PBX3: variants seen among roughly 807,000 people sequenced by gnomAD.
PBX3 encodes the protein pre-B-cell leukemia transcription factor 3.
In PBX3, 14 loss-of-function variants were observed where a neutral mutation model predicts 48.5. The observed-to-expected ratio is 0.29, with a 90% CI of 0.19 to 0.45. The LOEUF (loss-of-function observed/expected upper bound fraction) is 0.45. PBX3 is among the 20% of genes least tolerant of loss of function. The pLI is 1.00. For synonymous variants in PBX3, 210 were observed against 200.3 expected, an observed-to-expected ratio of 1.05 and a Z score of -0.41; for missense variants, 386 against 546.7, an observed-to-expected ratio of 0.71 and a Z score of 2.93.
chr9:125,952,640 CA>C, intron 5 of PBX3, among the ~76,000 whole-genome samples: 1 of 152,266 alleles, frequency 6.6e-6, no homozygotes, highest in Non-Finnish European at 1.5e-5. Context: ...TCAAACCTAT[CA>C]ACCATGCCCT....
At chr9:125,869,232 A>C (rs1840059306) in intron 2 of PBX3, among the ~76,000 whole-genome samples, 1 of 152,224 alleles carries the variant, frequency 6.6e-6, no homozygotes, top group Non-Finnish European at 1.5e-5. Flanking sequence ...CCTAGCATAC[A>C]GTACAACAAA....
At chr9:125,755,063 C>T in intron 2 of PBX3, among the ~76,000 whole-genome samples, 1 of 152,010 alleles carries the variant, frequency 6.6e-6, no homozygotes, top group East Asian at 1.9e-4. Context: ...ATTTGTGAGA[C>T]TCAACATGTT....
intron 1 of PBX3, chr9:125,748,319 C>T (rs951960278): frequency 9.1e-6 from 11 of 1,203,290 alleles, no homozygotes; most frequent in Non-Finnish European, 1.1e-5. Context: ...GTGGCCGAGG[C>T]TGCTGCCTGC....
At chr9:125,780,962 T>G (rs28750084) in intron 2 of PBX3, among the ~76,000 whole-genome samples, 282 of 47,136 alleles carry the variant, frequency 6.0e-3, no homozygotes, top group Middle Eastern at 0.029. Flanking sequence ...CAGACGGGGT[T>G]GCGGCCGGGC....
At chr9:125,814,928 C>G (rs1838413705) in intron 2 of PBX3, among the ~76,000 whole-genome samples, 1 of 152,182 alleles carries the variant, frequency 6.6e-6, no homozygotes. Context: ...TTCCCAATTG[C>G]CATTCTTCAG....
intron 2 of PBX3, among the ~76,000 whole-genome samples, chr9:125,796,906 A>G (rs923835045): frequency 1.3e-5 from 2 of 152,072 alleles, no homozygotes; most frequent in Non-Finnish European, 2.9e-5. Flanking sequence ...ATGCCCTCTT[A>G]TATTTAGATT....
chr9:125,911,233 A>G (rs1841197102), intron 2 of PBX3, among the ~76,000 whole-genome samples: 1 of 152,032 alleles, frequency 6.6e-6, no homozygotes, highest in Non-Finnish European at 1.5e-5. Flanking sequence ...CCTGCCTCCT[A>G]TTTTGACTGC....
chr9:125,897,186 C>T (rs1232887207), intron 2 of PBX3, among the ~76,000 whole-genome samples: 12 of 91,936 alleles, frequency 1.3e-4, no homozygotes, highest in South Asian at 1.1e-3. Context: ...GACATTCATT[C>T]GCATTAGAAT....
chr9:125,909,047 T>A (rs1223108467), intron 2 of PBX3, among the ~76,000 whole-genome samples: 2 of 152,126 alleles, frequency 1.3e-5, no homozygotes, highest in Non-Finnish European at 2.9e-5. Context: ...TGACAGTGCT[T>A]ATATATCAAG....
At chr9:125,935,791 A>G (rs1278907042) in intron 5 of PBX3, among the ~76,000 whole-genome samples, 184 bp downstream of exon 5, 2 of 152,244 alleles carry the variant, frequency 1.3e-5, no homozygotes, top group Non-Finnish European at 2.9e-5. Context: ...GAAAAACTGT[A>G]AGTGGCGAAG....
At chr9:125,948,791 G>A (rs1008038840) in intron 5 of PBX3, among the ~76,000 whole-genome samples, 2 of 151,794 alleles carry the variant, frequency 1.3e-5, no homozygotes, top group South Asian at 2.1e-4. Flanking sequence ...CATTATCTAT[G>A]TACAATGTTT....
At chr9:125,835,891 G>A (rs1444278756) in intron 2 of PBX3, among the ~76,000 whole-genome samples, 1 of 152,150 alleles carries the variant, frequency 6.6e-6, no homozygotes, top group African/African-American at 2.4e-5. Context: ...AAGACAATCT[G>A]CACTCCCTTG....
At chr9:125,957,223 A>G (rs1446928533) in intron 5 of PBX3, among the ~76,000 whole-genome samples, 1 of 152,242 alleles carries the variant, frequency 6.6e-6, no homozygotes, top group African/African-American at 2.4e-5. Context: ...ATAACGAATG[A>G]TCACTGCTTC....
intron 2 of PBX3, among the ~76,000 whole-genome samples, chr9:125,832,001 T>G (rs932578478): frequency 1.3e-5 from 2 of 152,152 alleles, no homozygotes; most frequent in African/African-American, 2.4e-5. Flanking sequence ...CTGGGTTGTT[T>G]GCTTTCAGGA....
At chr9:125,932,341 G>A (rs1268548836) in intron 4 of PBX3, among the ~76,000 whole-genome samples, 2 of 151,356 alleles carry the variant, frequency 1.3e-5, no homozygotes, top group Admixed American at 6.5e-5. Context: ...CTATGTTTAC[G>A]CAACTATTCA....
At chr9:125,961,696 C>T (rs1424248053) in intron 6 of PBX3, among the ~76,000 whole-genome samples, 1 of 152,074 alleles carries the variant, frequency 6.6e-6, no homozygotes, top group Non-Finnish European at 1.5e-5. Flanking sequence ...AGAAAGAGCT[C>T]CTGGAAAAGT....
chr9:125,849,212 A>G (rs1190635417), intron 2 of PBX3, among the ~76,000 whole-genome samples: 1 of 151,958 alleles, frequency 6.6e-6, no homozygotes, highest in Non-Finnish European at 1.5e-5. Flanking sequence ...AATGTTCCAT[A>G]AATTCTCAGT....
chr9:125,901,714 A>G (rs1840949873), intron 2 of PBX3, among the ~76,000 whole-genome samples: 1 of 151,686 alleles, frequency 6.6e-6, no homozygotes, highest in Non-Finnish European at 1.5e-5. Flanking sequence ...TTCCAGTAAC[A>G]GTTTCAAAGA....
At chr9:125,890,940 C>T (rs959881658) in intron 2 of PBX3, among the ~76,000 whole-genome samples, 1 of 152,122 alleles carries the variant, frequency 6.6e-6, no homozygotes, top group Non-Finnish European at 1.5e-5. Context: ...CAAATTTGGC[C>T]AGGAGCAATC....
Sources: allele counts gnomAD v4.1 joint callset (sites outside exome capture counted in the v4.1 genomes callset), GRCh38; gene constraint gnomAD v4.1.1; transcripts MANE v1.5; gene names NCBI Gene and HGNC (gene_info 2026-07-23, HGNC 2026-07-21).